The following NAALADL2 variants were observed in gnomAD, a reference collection of about 807,000 sequenced individuals.
NAALADL2 encodes the protein inactive N-acetylated-alpha-linked acidic dipeptidase-like protein 2.
In NAALADL2, 76 loss-of-function variants were observed where a neutral mutation model predicts 87.2. That is an observed-to-expected ratio of 0.87 (90% CI 0.72 to 1.05). The LOEUF (loss-of-function observed/expected upper bound fraction) is 1.05. Ranked by LOEUF, NAALADL2 falls within the 50% of genes least tolerant of loss-of-function variation. The pLI, the probability that NAALADL2 is intolerant of heterozygous loss-of-function variation, is 0.00. For missense variants in NAALADL2, 1,089 were observed against 945.8 expected, an observed-to-expected ratio of 1.15 and a Z score of -1.99; for synonymous variants, 354 against 331.0, an observed-to-expected ratio of 1.07 and a Z score of -0.75.
intron 1 of NAALADL2, among the ~76,000 whole-genome samples, chr3:175,005,801 A>G (rs1357234127): frequency 6.6e-6 from 1 of 152,168 alleles, no homozygotes; most frequent in Non-Finnish European, 1.5e-5. Flanking sequence ...TTTTAGATTT[A>G]AGAGATCAAA....
chr3:175,066,661 C>A (rs1301547962), intron 1 of NAALADL2, among the ~76,000 whole-genome samples: 2 of 152,000 alleles, frequency 1.3e-5, no homozygotes, highest in Non-Finnish European at 2.9e-5. Flanking sequence ...TTAATAAATT[C>A]TTGTTTAAAA....
intron 2 of NAALADL2, among the ~76,000 whole-genome samples, chr3:174,718,994 A>G (rs1351420413): frequency 6.6e-6 from 1 of 152,148 alleles, no homozygotes; most frequent in Non-Finnish European, 1.5e-5. Context: ...GCCATTCTGT[A>G]CAGGGAATAA....
intron 2 of NAALADL2, among the ~76,000 whole-genome samples, chr3:174,595,856 C>CA (rs1274929564): frequency 6.6e-6 from 1 of 151,928 alleles, no homozygotes; most frequent in Non-Finnish European, 1.5e-5. Flanking sequence ...ACTAAAAATA[C>CA]AAAAAATTAG....
chr3:174,965,523 T>C (rs571840275), intron 1 of NAALADL2, among the ~76,000 whole-genome samples: 2 of 152,230 alleles, frequency 1.3e-5, no homozygotes, highest in African/African-American at 4.8e-5. Flanking sequence ...TATGCAAGTA[T>C]TGTGAGAATT....
intron 6 of NAALADL2, among the ~76,000 whole-genome samples, chr3:175,461,202 A>G (rs1723079379): frequency 6.6e-6 from 1 of 151,068 alleles, no homozygotes; most frequent in Non-Finnish European, 1.5e-5. Context: ...GCATTTTTAC[A>G]GAGTACTGAT....
intron 1 of NAALADL2, among the ~76,000 whole-genome samples, chr3:175,091,719 C>T (rs937373570): frequency 1.3e-5 from 2 of 151,954 alleles, no homozygotes; most frequent in African/African-American, 4.8e-5. Flanking sequence ...GAATTCTTTA[C>T]GATGGAAAAG....
intron 9 of NAALADL2, among the ~76,000 whole-genome samples, chr3:175,483,286 G>A (rs991229456): frequency 1.3e-5 from 2 of 149,682 alleles, no homozygotes; most frequent in South Asian, 2.1e-4. Context: ...TATGTGCCAG[G>A]CATAAAACAG....
intron 1 of NAALADL2, among the ~76,000 whole-genome samples, chr3:174,530,411 A>G (rs1020049963): frequency 6.6e-6 from 1 of 152,004 alleles, no homozygotes; most frequent in African/African-American, 2.4e-5. Context: ...AAATTTTCCT[A>G]TCTTCTTCTG....
intron 10 of NAALADL2, among the ~76,000 whole-genome samples, chr3:175,616,150 T>C (rs1452647547): frequency 2.0e-5 from 3 of 147,778 alleles, no homozygotes; most frequent in Non-Finnish European, 3.0e-5. Flanking sequence ...ATATAAATGA[T>C]ATATGTTTTA....
intron 1 of NAALADL2, among the ~76,000 whole-genome samples, chr3:174,507,988 T>C (rs1719314117): frequency 6.6e-6 from 1 of 152,144 alleles, no homozygotes; most frequent in Non-Finnish European, 1.5e-5. Flanking sequence ...ACTGCCAACT[T>C]GTTTTATAAA....
intron 3 of NAALADL2, among the ~76,000 whole-genome samples, chr3:174,774,335 C>T (rs1489161586): frequency 4.6e-5 from 7 of 152,156 alleles, no homozygotes; most frequent in Non-Finnish European, 8.8e-5. Context: ...GGTAGACTCA[C>T]GTGCAAATCT....
At chr3:174,746,126 G>C (rs1443334289) in intron 3 of NAALADL2, among the ~76,000 whole-genome samples, 2 of 152,176 alleles carry the variant, frequency 1.3e-5, no homozygotes, top group African/African-American at 4.8e-5. Context: ...AATTGGAAGA[G>C]AGGAAGTCAA....
chr3:175,124,653 T>A (rs1726663530), intron 2 of NAALADL2: 1 of 151,884 alleles, frequency 6.6e-6, no homozygotes, highest in African/African-American at 2.4e-5. Context: ...TAAGAAAGAG[T>A]GATGTGTTAC....
intron 1 of NAALADL2, among the ~76,000 whole-genome samples, chr3:175,085,972 G>A (rs994183071): frequency 6.6e-6 from 1 of 152,174 alleles, no homozygotes; most frequent in African/African-American, 2.4e-5. Flanking sequence ...TGTAAAGGAT[G>A]ATTGGAATGG....
intron 3 of NAALADL2, among the ~76,000 whole-genome samples, chr3:174,822,479 G>A (rs914610945): frequency 1.3e-5 from 2 of 152,160 alleles, no homozygotes; most frequent in African/African-American, 4.8e-5. Context: ...CTCATGCACA[G>A]ACATTGGTAA....
intron 2 of NAALADL2, among the ~76,000 whole-genome samples, chr3:175,148,239 G>T (rs901495740): frequency 6.6e-6 from 1 of 151,470 alleles, no homozygotes; most frequent in Admixed American, 6.6e-5. Flanking sequence ...TTGTCTGCTT[G>T]TATGTCTTAT....
In NAALADL2 at chr3:175,576,027, A is replaced by AT; in HGVS notation, c.1654-12dup. On this transcript the variant is annotated splice_polypyrimidine_tract_variant and intron_variant, in intron 9 of 13. Transcript: ENST00000454872. ...AGCATAGTATGTGTTAACAATTTAA[A>AT]TTATGTTTTTCAGAAAAATAATTTC... 6.2e-7 allele frequency: 1 copy of AT among 1,607,412 alleles called. No homozygotes were observed. The highest frequency in any genetic ancestry group is 1.1e-5 in the South Asian group (1 of 90,338).
intron 2 of NAALADL2, among the ~76,000 whole-genome samples, chr3:174,557,257 C>T (rs1005168622): frequency 6.6e-6 from 1 of 151,996 alleles, no homozygotes; most frequent in African/African-American, 2.4e-5. Context: ...GACCTACATG[C>T]CACAAAAACC....
rs187004874 is a variant in NAALADL2, at chr3:175,807,946, A to T, written c.*4743A>T. 110 of 152,082 alleles carry T rather than the reference A, an allele frequency of 7.2e-4. No homozygotes were observed. Among genetic ancestry groups the T allele is most frequent in the African/African-American group, 2.6e-3 (107 of 41,548 alleles). The allele number at this position is 152,082 out of a possible 1,614,324, so 9.4% of individuals were successfully genotyped here. A position where few individuals can be genotyped will look rare whatever the true frequency, so the allele number is the denominator to read the frequency against. The stretch of plus-strand genomic sequence containing the variant: ...ATGAATTTGAAGCGTAGCAAAAGAA[A>T]TGTATAAAGATAGCCTTTTCTGGTC... On this transcript the variant is annotated 3_prime_UTR_variant, in exon 14 of 14. Transcript: ENST00000454872.
Sources: gnomAD v4.1 joint callset for allele counts (sites outside exome capture counted in the v4.1 genomes callset) on GRCh38, gnomAD v4.1.1 for gene constraint, MANE v1.5 for transcripts, NCBI Gene and HGNC (gene_info 2026-07-23, HGNC 2026-07-21) for gene names.